The following GALNTL6 variants were observed in gnomAD, a reference collection of about 807,000 sequenced individuals.
GALNTL6 encodes the protein polypeptide N-acetylgalactosaminyltransferase-like 6.
GALNTL6 carries 46 observed loss-of-function variants against 73.7 expected under a neutral mutation model. The observed-to-expected ratio is 0.62, with a 90% CI of 0.49 to 0.80. The LOEUF is 0.80. Among genes scored for constraint, GALNTL6 ranks in the 30% least tolerant of loss-of-function variants. GALNTL6 has a pLI of 0.00. For synonymous variants in GALNTL6, 259 were observed against 263.7 expected (o/e 0.98, Z 0.17); for missense variants, 604 against 755.0 (o/e 0.80, Z 2.34).
Position 172,813,569 on chromosome 4 carries a change from G to C in GALNTL6, c.769G>C (p.Val257Leu). 6.2e-7 allele frequency: 1 copy of C among 1,608,262 alleles called. No homozygotes were observed. Among genetic ancestry groups the C allele is most frequent in the African/African-American group, 1.3e-5 (1 of 74,878 alleles). Residue 257 changes from valine to leucine, a missense_variant, in exon 7 of 13, where the codon GTG becomes CTG. Val to Leu is a conservative substitution (Grantham distance 32). Transcript: ENST00000506823. The part of the protein sequence containing the change: ...NQIALNHKTI[V>L]CPMIDVIDHN... ...AATTGCACTAAACCACAAAACCATC[G>C]TGTGTCCCATGATCGATGTCATTGA...
chr4:172,701,233 G>A (rs1417133794), intron 5 of GALNTL6, among the ~76,000 whole-genome samples: 1 of 151,988 alleles, frequency 6.6e-6, no homozygotes, highest in African/African-American at 2.4e-5. Flanking sequence ...AACATAGTTC[G>A]GTGAGCCTAG....
intron 8 of GALNTL6, among the ~76,000 whole-genome samples, chr4:172,893,422 T>C (rs1011632248): frequency 6.6e-6 from 1 of 151,602 alleles, no homozygotes; most frequent in Non-Finnish European, 1.5e-5. Context: ...GCTCGAATCC[T>C]GGGAGTTTTG....
chr4:172,487,331 TTTC>T (rs1561106869), intron 5 of GALNTL6, among the ~76,000 whole-genome samples: 1 of 137,928 alleles, frequency 7.3e-6, no homozygotes. Flanking sequence ...TCTTTCTTTC[TTTC>T]TTTCTTTCTT....
intron 5 of GALNTL6, among the ~76,000 whole-genome samples, chr4:172,802,839 T>TAATC (rs1740730667): frequency 6.6e-6 from 1 of 151,618 alleles, no homozygotes; most frequent in Admixed American, 6.6e-5. Flanking sequence ...CAAAAACGAG[T>TAATC]AATCACCCCT....
chr4:172,749,513 A>G (rs1207855807), intron 5 of GALNTL6, among the ~76,000 whole-genome samples: 1 of 152,100 alleles, frequency 6.6e-6, no homozygotes, highest in African/African-American at 2.4e-5. Flanking sequence ...TGAGCATTCA[A>G]TTTGGTTTTC....
intron 5 of GALNTL6, among the ~76,000 whole-genome samples, chr4:172,806,168 T>A (rs910000648): frequency 1.3e-5 from 2 of 152,158 alleles, no homozygotes; most frequent in Non-Finnish European, 2.9e-5. Context: ...AATGAACTAC[T>A]AAGAGAGAAA....
intron 5 of GALNTL6, among the ~76,000 whole-genome samples, chr4:172,423,490 A>C (rs112940296): frequency 6.6e-6 from 1 of 152,124 alleles, no homozygotes; most frequent in African/African-American, 2.4e-5. Context: ...GATTTACAGA[A>C]GTGGCTATTC....
chr4:172,827,147 G>C lies in GALNTL6; in HGVS notation c.923+13424G>C, dbSNP rs1356665115. On this transcript the variant is annotated intron_variant, in intron 7 of 12. Transcript: ENST00000506823. Reference sequence around the variant, plus strand: ...GTAGGGTCACTCTCCCACTGACTCAGCTCTACTTAAGTTCTAAGATCTGGC... The same window carrying C: ...GTAGGGTCACTCTCCCACTGACTCACCTCTACTTAAGTTCTAAGATCTGGC... Among the ~76,000 whole-genome samples the C allele has an allele frequency of 2.6e-5, 4 of 152,304 alleles. No homozygotes were observed. In the East Asian group the frequency reaches 7.7e-4, roughly 29 times the overall value.
At chr4:171,968,297 G>A (rs550775666) in intron 2 of GALNTL6, among the ~76,000 whole-genome samples, 3 of 152,084 alleles carry the variant, frequency 2.0e-5, no homozygotes, top group South Asian at 4.1e-4. Context: ...CCAAAAGTCC[G>A]AAATCAAGGA....
At chr4:172,322,563 G>T (rs1740798127) in intron 4 of GALNTL6, among the ~76,000 whole-genome samples, 1 of 152,120 alleles carries the variant, frequency 6.6e-6, no homozygotes, top group South Asian at 2.1e-4. Flanking sequence ...GCATGGCTGG[G>T]GAAGCCTCAG....
chr4:172,180,545 T>A (rs1735208018), intron 2 of GALNTL6, among the ~76,000 whole-genome samples: 3 of 152,286 alleles, frequency 2.0e-5, no homozygotes, highest in South Asian at 4.2e-4. Flanking sequence ...CTGTATGGTA[T>A]TGCCTAGGTT....
chr4:171,936,372 T>G (rs1446285435), intron 2 of GALNTL6, among the ~76,000 whole-genome samples: 1 of 152,134 alleles, frequency 6.6e-6, no homozygotes, highest in African/African-American at 2.4e-5. Context: ...TTCTTCTGCT[T>G]TAGCTGTTGA....
intron 9 of GALNTL6, among the ~76,000 whole-genome samples, chr4:172,942,987 A>C (rs559732811): frequency 4.7e-4 from 72 of 152,256 alleles, no homozygotes; most frequent in Non-Finnish European, 7.5e-4. Context: ...CAATCACGTA[A>C]AATTATTCCA....
intron 2 of GALNTL6, among the ~76,000 whole-genome samples, chr4:171,975,771 A>G (rs79069251): frequency 0.038 from 5,843 of 152,270 alleles, 320 homozygotes; most frequent in African/African-American, 0.12. Flanking sequence ...AAACTCAACA[A>G]TTGACTATAA....
At chr4:172,310,266 C>G (rs1334085158) in intron 3 of GALNTL6, among the ~76,000 whole-genome samples, 1 of 151,140 alleles carries the variant, frequency 6.6e-6, no homozygotes, top group African/African-American at 2.5e-5. Flanking sequence ...GCAAATTACT[C>G]GATAATTTTT....
chr4:172,199,986 T>C (rs1000608661), intron 2 of GALNTL6, among the ~76,000 whole-genome samples: 1 of 152,166 alleles, frequency 6.6e-6, no homozygotes, highest in African/African-American at 2.4e-5. Context: ...TTCCAAATTC[T>C]TTAATTTTAG....
intron 2 of GALNTL6, among the ~76,000 whole-genome samples, chr4:172,177,802 C>CATGTGTATATATATGT (rs1735080794): frequency 1.5e-5 from 2 of 135,210 alleles, no homozygotes; most frequent in African/African-American, 6.6e-5. Flanking sequence ...TATATATACA[C>CATGTGTATATATATGT]ACACATATAT....
At chr4:172,996,123 T>C (rs936926506) in intron 10 of GALNTL6, among the ~76,000 whole-genome samples, 1 of 151,966 alleles carries the variant, frequency 6.6e-6, no homozygotes, top group Non-Finnish European at 1.5e-5. Context: ...ATGGAATCTA[T>C]CTAAATGTCC....
intron 8 of GALNTL6, among the ~76,000 whole-genome samples, chr4:172,893,384 A>G (rs1056751490): frequency 2.0e-5 from 3 of 151,096 alleles, no homozygotes; most frequent in Non-Finnish European, 4.4e-5. Flanking sequence ...CAAGCCAAAG[A>G]TCTCAGCTCC....
Sources: gnomAD v4.1 joint callset for allele counts (sites outside exome capture counted in the v4.1 genomes callset) on GRCh38, gnomAD v4.1.1 for gene constraint, MANE v1.5 for transcripts, NCBI Gene and HGNC (gene_info 2026-07-23, HGNC 2026-07-21) for gene names.